NDUFS6: variants seen among roughly 807,000 people sequenced by gnomAD.
NDUFS6 encodes the protein NADH dehydrogenase [ubiquinone] iron-sulfur protein 6, mitochondrial.
In NDUFS6, 14 loss-of-function variants were observed where a neutral mutation model predicts 13.2. The ratio of observed to expected loss-of-function variants is 1.06; its 90% CI spans 0.70 to 1.66. NDUFS6 has a LOEUF of 1.66. Among genes scored for constraint, NDUFS6 ranks in the 40% most tolerant of loss-of-function variants. The pLI, the probability that NDUFS6 is intolerant of heterozygous loss-of-function variation, is 0.00. For synonymous variants in NDUFS6, 95 were observed against 72.3 expected (o/e 1.31, Z -1.60); for missense variants, 206 against 170.8 (o/e 1.21, Z -1.15).
chr5:1,807,617 C>T (rs895469362), intron 2 of NDUFS6, among the ~76,000 whole-genome samples: 2 of 152,156 alleles, frequency 1.3e-5, no homozygotes, highest in African/African-American at 4.8e-5. Flanking sequence ...GCTGGGCCCA[C>T]GCGGCACCTC....
At chr5:1,812,968 G>A (rs1057355522) in intron 2 of NDUFS6, among the ~76,000 whole-genome samples, 15 of 152,078 alleles carry the variant, frequency 9.9e-5, no homozygotes, top group African/African-American at 3.6e-4. Flanking sequence ...CAGAGAATTG[G>A]TTGAACCTAG....
At chr5:1,815,759 G>GTCC in intron 3 of NDUFS6, 92 bp from the exon 4 acceptor site, 1 of 1,308,044 alleles carries the variant, frequency 7.6e-7, no homozygotes, top group Non-Finnish European at 1.1e-6. Context: ...GTTTCTGACA[G>GTCC]TCTAAGTTTT....
At position 1,812,246 on chromosome 5, in the gene NDUFS6, C is replaced by T. The variant is rs192773663; in HGVS notation, c.187-2093C>T. The stretch of plus-strand genomic sequence containing the variant: ...CCCGCTCACCACCTGTGAGGGCAGC[C>T]AGAATCCTTCATGAGGCAGAACCCT... On this transcript the variant is annotated intron_variant, in intron 2 of 3. Transcript: ENST00000274137. Among the ~76,000 whole-genome samples the T allele has an allele frequency of 6.6e-4, 100 of 152,124 alleles. 1 individual carries two copies. In the East Asian group the frequency reaches 0.018, roughly 28 times the overall value.
chr5:1,815,780 T>C (rs1734298664), intron 3 of NDUFS6, 71 bp from the exon 4 acceptor site: 1 of 1,478,540 alleles, frequency 6.8e-7, no homozygotes, highest in Non-Finnish European at 9.5e-7. Context: ...ATACATACAT[T>C]TTCAATGCTT....
intron 2 of NDUFS6, among the ~76,000 whole-genome samples, chr5:1,805,609 G>T (rs973001996): frequency 1.3e-5 from 2 of 152,320 alleles, no homozygotes; most frequent in East Asian, 1.9e-4. Flanking sequence ...TGGCACTCTG[G>T]GGCCACATAA....
chr5:1,810,037 C>T (rs141341349), intron 2 of NDUFS6, among the ~76,000 whole-genome samples: 14 of 152,232 alleles, frequency 9.2e-5, no homozygotes, highest in East Asian at 1.9e-4. Flanking sequence ...TAAACCTTTC[C>T]GAAACATATC....
rs1242831651 is a variant in NDUFS6, at chr5:1,814,703, G to A, written c.309+242G>A. On this transcript the variant is annotated intron_variant, in intron 3 of 3. Transcript: ENST00000274137. This position sits in a 1 kb window ranked among gnomAD's most constrained non-coding sequence, Gnocchi z 4.9. ...GGGCGGCATGTTTCTCTTCTCGGACGCCCAAGCGTCTTTCCTCTCTGGGCC... is the reference window on the plus strand; with the variant it reads ...GGGCGGCATGTTTCTCTTCTCGGACACCCAAGCGTCTTTCCTCTCTGGGCC... The A allele has an allele frequency of 8.3e-6, 6 of 725,496 alleles. No individual in the cohort carries two copies. Among genetic ancestry groups the A allele is most frequent in the Admixed American group, 2.0e-5 (1 of 49,992 alleles). 44.9% of individuals were successfully genotyped at this position (725,496 alleles called of 1,614,324 possible).
At chr5:1,810,012 GA>G (rs1388066848) in intron 2 of NDUFS6, among the ~76,000 whole-genome samples, 1 of 152,262 alleles carries the variant, frequency 6.6e-6, no homozygotes, top group African/African-American at 2.4e-5. Context: ...GTAACTGACA[GA>G]ACCTCTTGAA....
At chr5:1,809,992 A>G (rs942847508) in intron 2 of NDUFS6, among the ~76,000 whole-genome samples, 1 of 152,272 alleles carries the variant, frequency 6.6e-6, no homozygotes, top group Non-Finnish European at 1.5e-5. Context: ...GCTTTACACA[A>G]TGGTCATCTG....
chr5:1,815,989 G>T lies in NDUFS6; in HGVS notation c.*73G>T. 1 of 1,510,930 alleles carries T rather than the reference G, an allele frequency of 6.6e-7. No homozygotes were observed. Among genetic ancestry groups the T allele is most frequent in the Non-Finnish European group, 9.2e-7 (1 of 1,085,766 alleles). 93.6% of individuals were successfully genotyped at this position (1,510,930 alleles called of 1,614,324 possible). A position where few individuals can be genotyped will look rare whatever the true frequency, so the allele number is the denominator to read the frequency against. On this transcript the variant is annotated 3_prime_UTR_variant, in exon 4 of 4. Coordinates refer to ENST00000274137, the MANE Select transcript of NDUFS6 (RefSeq NM_004553.6). Reference sequence around the variant, plus strand: ...CGGGGAAGCTGAGCACGTGAAGCTCGCTGGTTCTGTGCGAAGGGTATTCCT... The same window carrying T: ...CGGGGAAGCTGAGCACGTGAAGCTCTCTGGTTCTGTGCGAAGGGTATTCCT...
At position 1,802,283 on chromosome 5, in the gene NDUFS6, C is replaced by A. The variant is rs760116669; in HGVS notation, c.133-38C>A. 5.2e-6 allele frequency: 8 copies of A among 1,550,262 alleles called. No homozygotes were observed. The East Asian group carries it at 1.8e-4, about 35-fold the overall frequency. ...ATATGAAGTGACTTTCAGAATTAGG[C>A]CGTAAAAGTCACACATGGTCTTTTT... On this transcript the variant is annotated intron_variant, in intron 1 of 3. Transcript: ENST00000274137.
At chr5:1,813,748 T>C (rs932568544) in intron 2 of NDUFS6, among the ~76,000 whole-genome samples, 2 of 152,270 alleles carry the variant, frequency 1.3e-5, no homozygotes, top group Admixed American at 6.5e-5. Flanking sequence ...CAGTGTACGG[T>C]AGCAGCAAAC....
chr5:1,808,430 T>C (rs538134553), intron 2 of NDUFS6, among the ~76,000 whole-genome samples: 1 of 152,358 alleles, frequency 6.6e-6, no homozygotes, highest in East Asian at 1.9e-4. Context: ...TTAGAAAGGC[T>C]TGGACTGTCA....
In NDUFS6 at chr5:1,816,031, T is replaced by C. The variant is rs535963229; in HGVS notation, c.*115T>C. The C allele has an allele frequency of 4.5e-4, 532 of 1,172,524 alleles. No individual in the cohort carries two copies. The African/African-American group carries it at 6.4e-3, about 14-fold the overall frequency. 72.6% of individuals were successfully genotyped at this position (1,172,524 alleles called of 1,614,324 possible). A position where few individuals can be genotyped will look rare whatever the true frequency, so the allele number is the denominator to read the frequency against. ...GGTATTCCTGGTGCTGAATAAAGGG[T>C]GTTGCTGTCAAGGCTGACAATTTGT... On this transcript the variant is annotated 3_prime_UTR_variant, in exon 4 of 4. Transcript: ENST00000274137.
rs372210099 is a variant in NDUFS6, at chr5:1,809,613, G to A, written c.187-4726G>A. ...CCGCGTCAGTCGCCAGTGTCGAGGC[G>A]TCAGCAGCCCTCCCTGCAGGGAGGT... is the stretch of plus-strand genomic sequence containing the variant. On this transcript the variant is annotated intron_variant, in intron 2 of 3. Coordinates refer to ENST00000274137, the MANE Select transcript of NDUFS6 (RefSeq NM_004553.6). Among the ~76,000 whole-genome samples, 6 of 152,348 alleles carry A rather than the reference G, an allele frequency of 3.9e-5. No homozygotes were observed. In the East Asian group the frequency reaches 5.8e-4, roughly 15 times the overall value.
At chr5:1,807,995 G>A (rs528206146) in intron 2 of NDUFS6, among the ~76,000 whole-genome samples, 124 of 152,310 alleles carry the variant, frequency 8.1e-4, no homozygotes, top group African/African-American at 2.7e-3. Context: ...ACTGGGAGTC[G>A]GGGATGGGTG....
chr5:1,802,247 A>G (rs1340709781), intron 1 of NDUFS6, 74 bp from the exon 2 acceptor site: 3 of 1,364,730 alleles, frequency 2.2e-6, no homozygotes, highest in Admixed American at 3.4e-5. Context: ...TTCCTGTAAT[A>G]TTTATGATTG....
At chr5:1,805,124 C>T (rs1734104010) in intron 2 of NDUFS6, among the ~76,000 whole-genome samples, 1 of 152,138 alleles carries the variant, frequency 6.6e-6, no homozygotes, top group Admixed American at 6.5e-5. Context: ...TGAGCCCAGG[C>T]GTTCAAGACC....
In NDUFS6 at chr5:1,814,295, C is replaced by T. The variant is rs374223491; in HGVS notation, c.187-44C>T. ...GGTGGGTTAAATTGTATGTAGTTAG[C>T]AAGTTTGTGTATTTGTTTACGTAAG... On this transcript the variant is annotated intron_variant, in intron 2 of 3. Coordinates refer to ENST00000274137, the MANE Select transcript of NDUFS6 (RefSeq NM_004553.6). This position sits in a 1 kb window ranked among gnomAD's most constrained non-coding sequence, Gnocchi z 4.9. 78 of 1,613,470 alleles carry T rather than the reference C, an allele frequency of 4.8e-5. No homozygotes were observed. The highest frequency in any genetic ancestry group is 3.6e-5 in the Non-Finnish European group (43 of 1,179,690).
Sources: allele counts gnomAD v4.1 joint callset (sites outside exome capture counted in the v4.1 genomes callset), GRCh38; gene constraint gnomAD v4.1.1; non-coding constraint Gnocchi (gnomAD v3.1); transcripts MANE v1.5; gene names NCBI Gene and HGNC (gene_info 2026-07-23, HGNC 2026-07-21).